RBM19: variants seen among roughly 807,000 people sequenced by gnomAD.
The protein encoded by RBM19 is probable RNA-binding protein 19.
A neutral mutation model predicts 116.8 loss-of-function variants in RBM19; 94 were observed. The ratio of observed to expected loss-of-function variants is 0.80; its 90% CI spans 0.68 to 0.95. The LOEUF (loss-of-function observed/expected upper bound fraction) is 0.95. Ranked by LOEUF, RBM19 falls within the 40% of genes least tolerant of loss-of-function variation. RBM19 has a pLI of 0.00. For synonymous variants in RBM19, 475 were observed against 494.1 expected (o/e 0.96, Z 0.51); for missense variants, 1,161 against 1,220.7 (o/e 0.95, Z 0.73).
chr12:113,819,145 G>GT (rs1293985001), downstream of RBM19, among the ~76,000 whole-genome samples: 2 of 152,170 alleles, frequency 1.3e-5, no homozygotes, highest in Non-Finnish European at 2.9e-5. Context: ...GGAGACGGAC[G>GT]TGAGGACAGC....
intron 13 of RBM19, 36 bp downstream of exon 13, chr12:113,945,792 C>T (rs767459800): frequency 1.3e-6 from 2 of 1,497,308 alleles, no homozygotes; most frequent in South Asian, 1.1e-5. Context: ...TCAGTTTGGC[C>T]CAGATCCCAG....
chr12:113,881,423 A>C (rs1310242104), intron 21 of RBM19, among the ~76,000 whole-genome samples: 11 of 152,104 alleles, frequency 7.2e-5, no homozygotes, highest in Admixed American at 7.2e-4. Flanking sequence ...GAGTGAGAAC[A>C]GTTTTTCCAG....
At chr12:113,845,048 G>C (rs376927891) in intron 22 of RBM19, among the ~76,000 whole-genome samples, 3 of 152,342 alleles carry the variant, frequency 2.0e-5, no homozygotes, top group African/African-American at 7.2e-5. Context: ...CCTGGGCTGA[G>C]GCAGCCGTCT....
At chr12:113,828,403 C>T (rs1382196455) in intron 23 of RBM19, among the ~76,000 whole-genome samples, 1 of 152,094 alleles carries the variant, frequency 6.6e-6, no homozygotes, top group Non-Finnish European at 1.5e-5. Flanking sequence ...TCTTCCTGTT[C>T]CTGGAGGCTC....
At chr12:113,929,282 C>A (rs1228184982) in intron 16 of RBM19, among the ~76,000 whole-genome samples, 1 of 152,214 alleles carries the variant, frequency 6.6e-6, no homozygotes, top group African/African-American at 2.4e-5. Context: ...AAGCTTCGAC[C>A]ACTTTGTCAT....
At chr12:113,961,001 CT>C (rs1236859245) in intron 2 of RBM19, among the ~76,000 whole-genome samples, 2 of 152,200 alleles carry the variant, frequency 1.3e-5, no homozygotes, top group African/African-American at 4.8e-5. Flanking sequence ...ACCACTGCCC[CT>C]GGGGGAAGGA....
chr12:113,831,092 C>T (rs755116035), intron 23 of RBM19, among the ~76,000 whole-genome samples: 1 of 152,182 alleles, frequency 6.6e-6, no homozygotes, highest in Non-Finnish European at 1.5e-5. Context: ...GAATGTGGAA[C>T]CAGGCTGGCC....
intron 15 of RBM19, among the ~76,000 whole-genome samples, chr12:113,939,565 C>T (rs1159341906): frequency 2.0e-5 from 3 of 151,082 alleles, no homozygotes; most frequent in African/African-American, 4.9e-5. Flanking sequence ...CTGGTGAACA[C>T]GGTGAAACCC....
At chr12:113,845,480 A>AT (rs1219524728) in intron 22 of RBM19, among the ~76,000 whole-genome samples, 2 of 152,146 alleles carry the variant, frequency 1.3e-5, no homozygotes, top group Non-Finnish European at 2.9e-5. Flanking sequence ...CACATACTAT[A>AT]TACACTGCTT....
chr12:113,862,381 T>C (rs757473947), intron 21 of RBM19, among the ~76,000 whole-genome samples: 22 of 152,142 alleles, frequency 1.4e-4, no homozygotes, highest in Non-Finnish European at 2.5e-4. Context: ...GCTTGGTTGC[T>C]TGTATAACGG....
At chr12:113,954,829 G>A (rs1018817134) in intron 7 of RBM19, among the ~76,000 whole-genome samples, 1 of 152,164 alleles carries the variant, frequency 6.6e-6, no homozygotes, top group Non-Finnish European at 1.5e-5. Flanking sequence ...TGTTGATCAC[G>A]AAGTCTTAAA....
At chr12:113,947,984 T>C in intron 10 of RBM19, among the ~76,000 whole-genome samples, 1 of 152,212 alleles carries the variant, frequency 6.6e-6, no homozygotes, top group Non-Finnish European at 1.5e-5. Flanking sequence ...TAAGCCGGGA[T>C]GCCAGCCTGT....
intron 21 of RBM19, among the ~76,000 whole-genome samples, chr12:113,906,204 C>G (rs1293409907): frequency 6.6e-6 from 1 of 152,222 alleles, no homozygotes; most frequent in African/African-American, 2.4e-5. Context: ...CAAACCCTGC[C>G]AACTACCCAA....
At chr12:113,862,158 C>T (rs1027983434) in intron 21 of RBM19, among the ~76,000 whole-genome samples, 12 of 152,232 alleles carry the variant, frequency 7.9e-5, no homozygotes, top group Non-Finnish European at 1.5e-5. Context: ...ACCATCATTG[C>T]TGCCATCATT....
chr12:113,855,638 C>T (rs1033900037), intron 22 of RBM19, among the ~76,000 whole-genome samples: 3 of 152,128 alleles, frequency 2.0e-5, no homozygotes, highest in African/African-American at 2.4e-5. Context: ...GGAGGATGCA[C>T]AGGAGCCGGC....
At chr12:113,965,295 A>G (rs534254766) in intron 1 of RBM19, among the ~76,000 whole-genome samples, 2 of 149,284 alleles carry the variant, frequency 1.3e-5, no homozygotes, top group African/African-American at 5.0e-5. Context: ...AAAAAAAACA[A>G]AAAAAGAAAA....
Position 113,954,347 on chromosome 12 carries a change from A to C in RBM19, c.921+784T>G, listed in dbSNP as rs533121531. On this transcript the variant is annotated intron_variant, in intron 7 of 23. Transcript: ENST00000261741. ...AACTAAAAACAAAGGAAAACAAAACAAAAACCATCTAAGAAGACACACCCA... is the reference window on the plus strand; with the variant it reads ...AACTAAAAACAAAGGAAAACAAAACCAAAACCATCTAAGAAGACACACCCA... Among the ~76,000 whole-genome samples the C allele has an allele frequency of 2.0e-5, 3 of 152,308 alleles. No individual in the cohort carries two copies. The East Asian group carries it at 5.8e-4, about 29-fold the overall frequency.
intron 21 of RBM19, among the ~76,000 whole-genome samples, chr12:113,873,804 G>C (rs1292844687): frequency 6.6e-6 from 1 of 152,304 alleles, no homozygotes; most frequent in Non-Finnish European, 1.5e-5. Flanking sequence ...GTCACTTACT[G>C]GGGAAACCCC....
chr12:113,846,805 T>A (rs921615247), intron 22 of RBM19, among the ~76,000 whole-genome samples: 1 of 152,158 alleles, frequency 6.6e-6, no homozygotes, highest in African/African-American at 2.4e-5. Flanking sequence ...CTCGAACCCC[T>A]GGGCTCAAGC....
Sources: gnomAD v4.1 joint callset for allele counts (sites outside exome capture counted in the v4.1 genomes callset) on GRCh38, gnomAD v4.1.1 for gene constraint, MANE v1.5 for transcripts, NCBI Gene and HGNC (gene_info 2026-07-23, HGNC 2026-07-21) for gene names.